Variants in CUL9 observed in about 807,000 individuals in gnomAD.
The protein encoded by CUL9 is cullin 9.
Under a neutral mutation model 272.6 loss-of-function variants are expected in CUL9, and 79 were observed. The observed-to-expected ratio is 0.29, with a 90% confidence interval of 0.24 to 0.35. The LOEUF (loss-of-function observed/expected upper bound fraction) is 0.35, where lower values mean the gene tolerates loss of function less well. Among genes scored for constraint, CUL9 ranks in the 10% least tolerant of loss-of-function variants. The pLI, the probability that CUL9 is intolerant of heterozygous loss-of-function variation, is 1.00. For missense variants in CUL9, 2,532 were observed against 3,255.6 expected (o/e 0.78, Z 5.41); for synonymous variants, 1,186 against 1,286.5 (o/e 0.92, Z 1.67).
At chr6:43,196,043 A>C (rs1773965308) in intron 9 of CUL9, 26 bp from the exon 10 acceptor site, 1 of 1,593,768 alleles carries the variant, frequency 6.3e-7, no homozygotes. Context: ...CCCCCTCCTC[A>C]CTCTGCTTTC....
intron 8 of CUL9, 79 bp from the exon 9 acceptor site, chr6:43,192,922 G>A (rs2150545843): frequency 5.5e-6 from 7 of 1,273,656 alleles, no homozygotes; most frequent in Non-Finnish European, 5.7e-6. Context: ...GATTGGTCAG[G>A]GAGTCCGACG....
Position 43,187,714 on chromosome 6 carries a change from C to A in CUL9, c.1583C>A (p.Thr528Asn), listed in dbSNP as rs1278217107. ...FQNLWKNLDE[T>N]LGEKALGEIS... ...AACGTATACCCCTTCTGTTGACAGA[C>A]CCTGGGTGAAAAGGCCCTAGGTGAG... Residue 528 changes from threonine to asparagine, a missense_variant and splice_region_variant, in exon 7 of 41, where the codon ACC becomes AAC. Physicochemically the swap from Thr to Asn is moderately conservative, Grantham distance 65. Transcript: ENST00000252050. 1.2e-6 allele frequency: 2 copies of A among 1,611,770 alleles called. No individual in the cohort carries two copies. Among genetic ancestry groups the A allele is most frequent in the Non-Finnish European group, 1.7e-6 (2 of 1,179,670 alleles).
Position 43,222,462 on chromosome 6 carries a change from C to A in CUL9, c.6922-69C>A, listed in dbSNP as rs1004137292. 13 of 1,592,416 alleles carry A rather than the reference C, an allele frequency of 8.2e-6. No homozygotes were observed. The Admixed American group carries it at 2.2e-4, about 27-fold the overall frequency. Reference sequence around the variant, plus strand: ...GGGTGGTGGGGTGGAGGGGGGTGGGCTGAAGGTCTGACCGGGCAGGTGGTG... The same window carrying A: ...GGGTGGTGGGGTGGAGGGGGGTGGGATGAAGGTCTGACCGGGCAGGTGGTG... On this transcript the variant is annotated intron_variant, in intron 36 of 40. Coordinates refer to ENST00000252050, the MANE Select transcript of CUL9 (RefSeq NM_015089.4).
At chr6:43,198,291 C>T in intron 11 of CUL9, 1 of 983,384 alleles carries the variant, frequency 1.0e-6, no homozygotes, top group South Asian at 4.7e-5. Context: ...CTAAAGCCAC[C>T]ATGCAGGTAG....
chr6:43,215,085 G>T lies in CUL9; in HGVS notation c.5695G>T (p.Glu1899Ter). 6.2e-7 allele frequency: 1 copy of T among 1,602,224 alleles called. No individual in the cohort carries two copies. The highest frequency in any genetic ancestry group is 8.5e-7 in the Non-Finnish European group (1 of 1,172,106). ...TTTCTTTCCTCCTATCCAGGTGCTG[G>T]AGGCCTGGCAGAAGGGTCCAAATCC... ...HIDQLVCLVLEAWQKGPNPPG... is the reference protein window; with the variant it reads ...HIDQLVCLVL The change falls in exon 30 of 41, where the codon GAG becomes TAG. Residue 1899 changes from glutamate to a stop codon, truncating the protein, a stop_gained. Coordinates refer to ENST00000252050, the MANE Select transcript of CUL9 (RefSeq NM_015089.4). LOFTEE classifies it high-confidence loss of function.
rs971949791 is a variant in CUL9, at chr6:43,200,866, T to C, written c.3647+32T>C. The C allele has an allele frequency of 1.9e-6, 3 of 1,610,200 alleles. No homozygotes were observed. The highest frequency in any genetic ancestry group is 2.5e-6 in the Non-Finnish European group (3 of 1,176,774). On this transcript the variant is annotated intron_variant, in intron 16 of 40. Coordinates refer to ENST00000252050, the MANE Select transcript of CUL9 (RefSeq NM_015089.4). The surrounding 1 kb of genome is among the most constrained non-coding windows in gnomAD (Gnocchi z 4.0). Reference sequence around the variant, plus strand: ...ACACACATATATGAATGTTCTGCTGTGCCCCAGGATACTTCCCCAAAGCAC... The same window carrying C: ...ACACACATATATGAATGTTCTGCTGCGCCCCAGGATACTTCCCCAAAGCAC...
chr6:43,200,889 C>A lies in CUL9; in HGVS notation c.3647+55C>A. 6.2e-7 allele frequency: 1 copy of A among 1,600,920 alleles called. No homozygotes were observed. The highest frequency in any genetic ancestry group is 8.6e-7 in the Non-Finnish European group (1 of 1,169,578). ...TGTGCCCCAGGATACTTCCCCAAAGCACCCAGATACACACAACCCCAGCTA... is the reference window on the plus strand; with the variant it reads ...TGTGCCCCAGGATACTTCCCCAAAGAACCCAGATACACACAACCCCAGCTA... On this transcript the variant is annotated intron_variant, in intron 16 of 40. Coordinates refer to ENST00000252050, the MANE Select transcript of CUL9 (RefSeq NM_015089.4). This position sits in a 1 kb window ranked among gnomAD's most constrained non-coding sequence, Gnocchi z 4.0.
chr6:43,191,700 T>A (rs1318831947), intron 8 of CUL9, among the ~76,000 whole-genome samples: 1 of 151,860 alleles, frequency 6.6e-6, no homozygotes, highest in Non-Finnish European at 1.5e-5. Flanking sequence ...TTCTCCTGCC[T>A]CAGCCTCCTG....
chr6:43,200,298 C>T lies in CUL9; in HGVS notation c.3385-138C>T. 1 of 1,504,194 alleles carries T rather than the reference C, an allele frequency of 6.6e-7. No individual in the cohort carries two copies. The highest frequency in any genetic ancestry group is 9.1e-7 in the Non-Finnish European group (1 of 1,098,450). The allele number at this position is 1,504,194 out of a possible 1,614,324, so 93.2% of individuals were successfully genotyped here. A position where few individuals can be genotyped will look rare whatever the true frequency, so the allele number is the denominator to read the frequency against. On this transcript the variant is annotated intron_variant, in intron 14 of 40. Coordinates refer to ENST00000252050, the MANE Select transcript of CUL9 (RefSeq NM_015089.4). The surrounding 1 kb of genome is among the most constrained non-coding windows in gnomAD (Gnocchi z 4.0). ...CACTTGTTTCCTAACCTTGACTCCA[C>T]ATGGTTCTGTCAAAATGTGGGGAGA...
chr6:43,221,754 A>G lies in CUL9; in HGVS notation c.6822A>G (p.Lys2274=). 6.2e-7 allele frequency: 1 copy of G among 1,613,250 alleles called. No individual in the cohort carries two copies. The highest frequency in any genetic ancestry group is 8.5e-7 in the Non-Finnish European group (1 of 1,180,012). ...RCLKSWKPNH[K]DYYNCSAMVS... ...TCAAGTCCTGGAAGCCAAATCACAA[A>G]GACTATTACAACTGCTCTGCCATGG... Residue 2274 remains lysine, a synonymous_variant, in exon 35 of 41, where the codon AAA becomes AAG. Coordinates refer to ENST00000252050, the MANE Select transcript of CUL9 (RefSeq NM_015089.4). The surrounding 1 kb of genome is among the most constrained non-coding windows in gnomAD (Gnocchi z 4.2).
intron 29 of CUL9, 49 bp from the exon 30 acceptor site, chr6:43,215,030 C>T (rs1775822145): frequency 6.5e-7 from 1 of 1,540,336 alleles, no homozygotes; most frequent in Admixed American, 2.0e-5. Flanking sequence ...AGCCCAGCAG[C>T]CTGCTCCCTA....
chr6:43,203,863 G>T lies in CUL9; in HGVS notation c.4035G>T (p.Arg1345Ser). ...CACTGTTTGTTCCCAGACTGAACAG[G>T]GTTTTGCGCCACGAGCAGAATTTTG... is the stretch of plus-strand genomic sequence containing the variant. The part of the protein sequence containing the change: ...RLLQLCPRLN[R>S]VLRHEQNFAD... The change falls in exon 20 of 41, where the codon AGG becomes AGT. Residue 1345 changes from arginine (R) to serine (S), a missense_variant. Transcript: ENST00000252050. This position sits in a 1 kb window ranked among gnomAD's most constrained non-coding sequence, Gnocchi z 5.0. 1 of 1,611,394 alleles carries T rather than the reference G, an allele frequency of 6.2e-7. No homozygotes were observed. Among genetic ancestry groups the T allele is most frequent in the East Asian group, 2.2e-5 (1 of 44,830 alleles).
At chr6:43,186,804 T>G in intron 4 of CUL9, 156 bp from the exon 5 acceptor site, 1 of 872,578 alleles carries the variant, frequency 1.1e-6, no homozygotes, top group Non-Finnish European at 1.7e-6. Context: ...AAGGAAGCCT[T>G]TTGCCATATG....
chr6:43,223,386 C>A lies in CUL9; in HGVS notation c.7273C>A (p.His2425Asn). 6.3e-7 allele frequency: 1 copy of A among 1,598,262 alleles called. No individual in the cohort carries two copies. Among genetic ancestry groups the A allele is most frequent in the Admixed American group, 1.7e-5 (1 of 57,982 alleles). Residue 2425 changes from histidine (H) to asparagine (N), a missense_variant, in exon 39 of 41, where the codon CAT becomes AAT. His to Asn is a moderately conservative substitution (Grantham distance 68). Transcript: ENST00000252050. The surrounding 1 kb of genome is among the most constrained non-coding windows in gnomAD (Gnocchi z 4.1). The stretch of plus-strand genomic sequence containing the variant: ...GGAGAGGCTGCTTGCCATCCTGCAG[C>A]ATTCTGCCCAGGTACTGCCCGGCCC... The part of the protein sequence containing the change: ...IQERLLAILQ[H>N]SAQDFRVGLQ...
At position 43,196,202 on chromosome 6, in the gene CUL9, C is replaced by T. The variant is rs751085752; in HGVS notation, c.2522C>T (p.Pro841Leu). ...GCCAGCATCGACTCAGCCACACGCC[C>T]GGGCTCTGAGAGCCTGCTCCTCACT... ...IFASIDSATR[P>L]GSESLLLTVP... The change falls in exon 10 of 41, where the codon CCG becomes CTG. Residue 841 changes from proline (P) to leucine (L), a missense_variant. Around this residue, in one of 3 missense-constraint regions of CUL9, gnomAD observed 2,218 missense variants for 2,788.6 expected, o/e 0.80. Transcript: ENST00000252050. 1.5e-5 allele frequency: 24 copies of T among 1,614,040 alleles called. No homozygotes were observed. In the East Asian group the frequency reaches 1.6e-4, roughly 10 times the overall value.
rs1050074497 is a variant in CUL9 at position 43,218,185 on chromosome 6, T to A, written c.6282+1682T>A. ...TTGATATTATCTGGTTTACATTTTTTATTTTTATTATATTATTTATTTATT... is the reference window on the plus strand; with the variant it reads ...TTGATATTATCTGGTTTACATTTTTAATTTTTATTATATTATTTATTTATT... On this transcript the variant is annotated intron_variant, in intron 31 of 40. Coordinates refer to ENST00000252050, the MANE Select transcript of CUL9 (RefSeq NM_015089.4). This position sits in a 1 kb window ranked among gnomAD's most constrained non-coding sequence, Gnocchi z 4.4. 2.0e-5 allele frequency among the ~76,000 whole-genome samples: 3 copies of A among 151,754 alleles called. No individual in the cohort carries two copies. The highest frequency in any genetic ancestry group is 6.6e-5 in the Admixed American group (1 of 15,248).
chr6:43,194,430 C>A (rs535328770), intron 9 of CUL9, among the ~76,000 whole-genome samples: 2 of 151,874 alleles, frequency 1.3e-5, no homozygotes, highest in African/African-American at 4.8e-5. Context: ...GCGATTCTCC[C>A]GCCTCAGCCT....
chr6:43,214,805 AAAAG>A (rs1775797732), intron 29 of CUL9, among the ~76,000 whole-genome samples: 1 of 152,086 alleles, frequency 6.6e-6, no homozygotes, highest in Non-Finnish European at 1.5e-5. Flanking sequence ...GGAAAAAAAA[AAAAG>A]AGAGAAACTT....
At position 43,196,806 on chromosome 6, in the gene CUL9, T is replaced by A; in HGVS notation, c.2747T>A (p.Ile916Asn). ...RTEPMPTTRT[I>N]LMMLLNRYSE... ...GAACCTATGCCTACCACACGCACCA[T>A]CCTCATGATGCTTCTCAATCGCTAC... The change falls in exon 11 of 41, where the codon ATC becomes AAC. Residue 916 changes from isoleucine (I) to asparagine (N), a missense_variant. Transcript: ENST00000252050. 6.2e-7 allele frequency: 1 copy of A among 1,614,144 alleles called. No individual in the cohort carries two copies. Among genetic ancestry groups the A allele is most frequent in the Middle Eastern group, 1.6e-4 (1 of 6,062 alleles).
Sources: gnomAD v4.1 joint callset for allele counts (sites outside exome capture counted in the v4.1 genomes callset) on GRCh38, gnomAD v4.1.1 for gene constraint, gnomAD v4.1.1 regional missense constraint, Gnocchi (gnomAD v3.1) non-coding constraint, MANE v1.5 for transcripts, NCBI Gene and HGNC (gene_info 2026-07-23, HGNC 2026-07-21) for gene names.